TMEM26: variants seen among roughly 807,000 people sequenced by gnomAD.
The protein encoded by TMEM26 is transmembrane protein 26.
Under a neutral mutation model 28.8 loss-of-function variants are expected in TMEM26, and 38 were observed. The observed-to-expected ratio is 1.32, with a 90% CI of 1.02 to 1.73. The LOEUF is 1.73. Ranked by LOEUF, TMEM26 falls within the 40% of genes most tolerant of loss-of-function variation. The pLI is 0.00. For missense variants in TMEM26, 518 were observed against 447.1 expected (o/e 1.16, Z -1.43); for synonymous variants, 227 against 182.9 (o/e 1.24, Z -1.95).
chr10:61,426,850 T>C (rs917766818), intron 4 of TMEM26, among the ~76,000 whole-genome samples: 2 of 152,008 alleles, frequency 1.3e-5, no homozygotes, highest in African/African-American at 4.8e-5. Flanking sequence ...TTTGAAAAAA[T>C]AGATATTTGC....
intron 4 of TMEM26, among the ~76,000 whole-genome samples, chr10:61,420,047 G>T (rs1394741171): frequency 6.6e-6 from 1 of 152,082 alleles, no homozygotes. Context: ...GTATAATTTT[G>T]ACTTTTCCAA....
chr10:61,427,795 A>G (rs547688618), intron 4 of TMEM26, among the ~76,000 whole-genome samples: 1 of 152,228 alleles, frequency 6.6e-6, no homozygotes, highest in African/African-American at 2.4e-5. Flanking sequence ...TGTCACTTTT[A>G]TGTGCTCTGT....
intron 1 of TMEM26, among the ~76,000 whole-genome samples, chr10:61,450,563 A>G (rs1411024255): frequency 6.6e-6 from 1 of 152,218 alleles, no homozygotes. Context: ...AATAGAATAA[A>G]GCATTATTAA....
intron 1 of TMEM26, among the ~76,000 whole-genome samples, chr10:61,448,297 C>G (rs1374420952): frequency 6.6e-6 from 1 of 152,252 alleles, no homozygotes; most frequent in East Asian, 1.9e-4. Context: ...TATCCTTTCT[C>G]CTCTGAACTG....
At chr10:61,410,866 T>A in intron 5 of TMEM26, 120 bp from the exon 6 acceptor site, 1 of 1,026,200 alleles carries the variant, frequency 9.7e-7, no homozygotes, top group Non-Finnish European at 1.4e-6. Flanking sequence ...GTGATTTAAT[T>A]ACAGGATGGA....
chr10:61,443,840 G>T (rs925314689), intron 1 of TMEM26, among the ~76,000 whole-genome samples: 3 of 152,146 alleles, frequency 2.0e-5, no homozygotes, highest in African/African-American at 4.8e-5. Context: ...AATTGAAGTT[G>T]TTCACAAACT....
chr10:61,425,293 T>C (rs571554571), intron 4 of TMEM26, among the ~76,000 whole-genome samples: 2 of 152,230 alleles, frequency 1.3e-5, no homozygotes, highest in South Asian at 2.1e-4. Context: ...CACCTGGGAA[T>C]TGTGGGAGTT....
chr10:61,442,535 G>T (rs553296688), intron 1 of TMEM26, among the ~76,000 whole-genome samples: 50 of 152,232 alleles, frequency 3.3e-4, no homozygotes, highest in African/African-American at 1.1e-3. Flanking sequence ...ATTGAATCCA[G>T]ATTTTATTTG....
intron 1 of TMEM26, among the ~76,000 whole-genome samples, chr10:61,441,688 G>C (rs537273825): frequency 7.4e-4 from 112 of 152,206 alleles, no homozygotes; most frequent in African/African-American, 2.5e-3. Flanking sequence ...ATAAGTATAT[G>C]ATTCAATGAC....
At chr10:61,420,646 A>C (rs1034755650) in intron 4 of TMEM26, among the ~76,000 whole-genome samples, 1 of 151,982 alleles carries the variant, frequency 6.6e-6, no homozygotes, top group Non-Finnish European at 1.5e-5. Flanking sequence ...TATATATGAA[A>C]AACCTGTCAA....
intron 4 of TMEM26, among the ~76,000 whole-genome samples, chr10:61,420,543 T>C (rs1299507744): frequency 6.6e-5 from 10 of 152,144 alleles, no homozygotes. Flanking sequence ...TATATTTGTA[T>C]ATATATGTAA....
intron 1 of TMEM26, among the ~76,000 whole-genome samples, chr10:61,436,870 T>C (rs887476613): frequency 1.3e-5 from 2 of 152,184 alleles, no homozygotes; most frequent in African/African-American, 2.4e-5. Context: ...CATTCAAAAT[T>C]CAGAAAGGAA....
intron 3 of TMEM26, among the ~76,000 whole-genome samples, chr10:61,430,336 A>G (rs1253088549): frequency 2.0e-5 from 3 of 152,030 alleles, no homozygotes; most frequent in African/African-American, 7.2e-5. Flanking sequence ...TAAATAGGTC[A>G]TGGTCAGTTT....
intron 1 of TMEM26, among the ~76,000 whole-genome samples, chr10:61,447,047 TAA>T (rs1840196282): frequency 6.6e-6 from 1 of 152,010 alleles, no homozygotes; most frequent in Admixed American, 6.6e-5. Flanking sequence ...ACTAAAAAGC[TAA>T]AGAGAGATTT....
chr10:61,451,643 T>G (rs897822614), intron 1 of TMEM26, among the ~76,000 whole-genome samples: 1 of 152,184 alleles, frequency 6.6e-6, no homozygotes, highest in Admixed American at 6.5e-5. Context: ...TCACGCTTAA[T>G]AAATTCTTCA....
chr10:61,413,359 C>G, intron 5 of TMEM26, 100 bp downstream of exon 5: 1 of 1,504,234 alleles, frequency 6.6e-7, no homozygotes. Context: ...TATTGGGATA[C>G]AGACATGATA....
intron 5 of TMEM26, among the ~76,000 whole-genome samples, 199 bp from the exon 6 acceptor site, chr10:61,410,945 G>A (rs117209081): frequency 6.6e-6 from 1 of 152,104 alleles, no homozygotes; most frequent in Non-Finnish European, 1.5e-5. Context: ...CCTGTGACTC[G>A]CATCCACATA....
rs754108949 is a variant in TMEM26, at chr10:61,413,479, T to C, written c.662A>G (p.Gln221Arg). The C allele has an allele frequency of 1.2e-6, 2 of 1,613,040 alleles. No homozygotes were observed. The highest frequency in any genetic ancestry group is 1.7e-6 in the Non-Finnish European group (2 of 1,179,386). ...CTTACCTGCCAGGTCAAGTGGAAAC[T>C]GCAGCATGCTCCAAGTCCATATAAC... The part of the protein sequence containing the change: ...ILVIWTWSML[Q>R]FPLDLAVQNV... Residue 221 changes from glutamine (Q) to arginine (R), a missense_variant, in exon 5 of 6, where the codon CAG becomes CGG. Coordinates refer to ENST00000399298, the MANE Select transcript of TMEM26 (RefSeq NM_178505.8).
intron 5 of TMEM26, among the ~76,000 whole-genome samples, chr10:61,412,044 A>C (rs1388559024): frequency 6.6e-6 from 1 of 152,206 alleles, no homozygotes; most frequent in East Asian, 1.9e-4. Flanking sequence ...GAGGGTGAGG[A>C]TCGGCAGAGT....
Sources: gnomAD v4.1 joint callset for allele counts (sites outside exome capture counted in the v4.1 genomes callset) on GRCh38, gnomAD v4.1.1 for gene constraint, MANE v1.5 for transcripts, NCBI Gene and HGNC (gene_info 2026-07-23, HGNC 2026-07-21) for gene names.